Variants in HERC3 observed in about 807,000 individuals in gnomAD.
HERC3 encodes the protein HECT and RLD domain containing E3 ubiquitin protein ligase 3, also known as probable E3 ubiquitin-protein ligase HERC3.
In HERC3, 58 loss-of-function variants were observed where a neutral mutation model predicts 129.9. The observed-to-expected ratio is 0.45, with a 90% CI of 0.36 to 0.56. HERC3 has a LOEUF of 0.56. Ranked by LOEUF, HERC3 falls within the 20% of genes least tolerant of loss-of-function variation. The pLI, the probability that HERC3 is intolerant of heterozygous loss-of-function variation, is 0.00. For synonymous variants in HERC3, 430 were observed against 451.0 expected (o/e 0.95, Z 0.59); for missense variants, 835 against 1,244.2 (o/e 0.67, Z 4.95).
chr4:88,627,876 C>T (rs1210082724), intron 3 of HERC3, among the ~76,000 whole-genome samples: 2 of 137,232 alleles, frequency 1.5e-5, no homozygotes, highest in African/African-American at 5.5e-5. Context: ...TGCACTTCAG[C>T]TTGGGCAACA....
At position 88,654,078 on chromosome 4, in the gene HERC3, C is replaced by T. The variant is rs200080956; in HGVS notation, c.722C>T (p.Thr241Met). ...CCATGCCATGTAAAACTCTTACGCA[C>T]GCAAAAAGTTGTCTATATTAGTTGT... The part of the protein sequence containing the change: ...ESPCHVKLLR[T>M]QKVVYISCGE... Residue 241 changes from threonine to methionine, a missense_variant, in exon 7 of 26, where the codon ACG becomes ATG. Physicochemically the swap from Thr to Met is moderately conservative, Grantham distance 81. Transcript: ENST00000402738. 44 of 1,612,836 alleles carry T rather than the reference C, an allele frequency of 2.7e-5. No individual in the cohort carries two copies. Among genetic ancestry groups the T allele is most frequent in the African/African-American group, 8.0e-5 (6 of 74,912 alleles).
At position 88,707,916 on chromosome 4, in the gene HERC3, G is replaced by T. The variant is rs549871073; in HGVS notation, c.*956G>T. On this transcript the variant is annotated 3_prime_UTR_variant, in exon 26 of 26. Coordinates refer to ENST00000402738, the MANE Select transcript of HERC3 (RefSeq NM_014606.3). The stretch of plus-strand genomic sequence containing the variant: ...TTATTTTCTCCTTTTCGTACCCTGT[G>T]TCCTCCCTGATTTTCCTTTCGTTTC... The T allele has an allele frequency of 6.6e-6, 1 of 152,004 alleles. No individual in the cohort carries two copies. The highest frequency in any genetic ancestry group is 2.4e-5 in the African/African-American group (1 of 41,184). 9.4% of individuals were successfully genotyped at this position (152,004 alleles called of 1,614,324 possible). A position where few individuals can be genotyped will look rare whatever the true frequency, so the allele number is the denominator to read the frequency against.
chr4:88,653,357 G>A (rs1729502188), intron 6 of HERC3, among the ~76,000 whole-genome samples: 1 of 152,220 alleles, frequency 6.6e-6, no homozygotes, highest in South Asian at 2.1e-4. Context: ...AAATGTTTGA[G>A]CAGAACCTGT....
chr4:88,579,368 C>T, the HERC3 span, among the ~76,000 whole-genome samples: 6 of 151,978 alleles, frequency 3.9e-5, no homozygotes, highest in Non-Finnish European at 8.8e-5. Context: ...GATGGCGTCA[C>T]TGCAATCCAG....
At chr4:88,602,666 G>C (rs1723140517) in intron 2 of HERC3, among the ~76,000 whole-genome samples, 1 of 151,988 alleles carries the variant, frequency 6.6e-6, no homozygotes. Context: ...TTTTTGTGGA[G>C]ATAAGGTCTC....
chr4:88,532,777 G>T, the HERC3 span, among the ~76,000 whole-genome samples: 1 of 152,172 alleles, frequency 6.6e-6, no homozygotes, highest in Non-Finnish European at 1.5e-5. Context: ...TCCTCTGGAC[G>T]TAGAGTTGTA....
intron 21 of HERC3, among the ~76,000 whole-genome samples, chr4:88,683,153 C>T (rs909255031): frequency 2.0e-5 from 3 of 152,078 alleles, no homozygotes; most frequent in African/African-American, 4.8e-5. Context: ...ATCCTTTGCC[C>T]ACTTGTTGAT....
intron 19 of HERC3, among the ~76,000 whole-genome samples, chr4:88,679,665 C>T (rs554069664): frequency 9.2e-5 from 14 of 152,006 alleles, no homozygotes; most frequent in African/African-American, 3.4e-4. Flanking sequence ...TTACAGGTGC[C>T]CACCACCATG....
intron 21 of HERC3, among the ~76,000 whole-genome samples, chr4:88,683,504 C>A (rs1355344106): frequency 2.0e-5 from 3 of 152,150 alleles, no homozygotes; most frequent in African/African-American, 7.2e-5. Context: ...ATGTGTGTCC[C>A]TTACTTTGCT....
the HERC3 span, among the ~76,000 whole-genome samples, chr4:88,557,483 ATTTG>A: frequency 6.6e-6 from 1 of 152,154 alleles, no homozygotes; most frequent in Non-Finnish European, 1.5e-5. Context: ...TTTGGTGGAT[ATTTG>A]TTCTTTATAT....
At chr4:88,683,573 A>G (rs1004244894) in intron 21 of HERC3, among the ~76,000 whole-genome samples, 1 of 152,230 alleles carries the variant, frequency 6.6e-6, no homozygotes, top group Non-Finnish European at 1.5e-5. Flanking sequence ...CTGGTGGCAG[A>G]TTTAAATTCC....
At chr4:88,557,635 T>C in the HERC3 span, among the ~76,000 whole-genome samples, 6 of 152,284 alleles carry the variant, frequency 3.9e-5, no homozygotes, top group East Asian at 1.2e-3. Flanking sequence ...AAGAATAAAG[T>C]CCAGCTCTAG....
chr4:88,653,423 CAGAG>C (rs1729509947), intron 6 of HERC3, among the ~76,000 whole-genome samples: 1 of 152,146 alleles, frequency 6.6e-6, no homozygotes, highest in African/African-American at 2.4e-5. Flanking sequence ...ATGTTCCTGT[CAGAG>C]AGAACTGGGT....
At chr4:88,580,522 A>G in the HERC3 span, among the ~76,000 whole-genome samples, 5 of 152,168 alleles carry the variant, frequency 3.3e-5, no homozygotes, top group Admixed American at 3.3e-4. Flanking sequence ...CTCAATTTAA[A>G]AAAAGGAAAA....
chr4:88,524,450 C>T, the HERC3 span, among the ~76,000 whole-genome samples: 1 of 152,194 alleles, frequency 6.6e-6, no homozygotes, highest in Non-Finnish European at 1.5e-5. Flanking sequence ...GTGATCCATT[C>T]AGTGAATTTG....
intron 12 of HERC3, among the ~76,000 whole-genome samples, chr4:88,665,149 T>C (rs1278938558): frequency 1.3e-5 from 2 of 152,166 alleles, no homozygotes; most frequent in Non-Finnish European, 2.9e-5. Flanking sequence ...GAGAGATAAA[T>C]AGATAGATGG....
chr4:88,574,028 G>C, the HERC3 span, among the ~76,000 whole-genome samples: 1 of 152,166 alleles, frequency 6.6e-6, no homozygotes, highest in Admixed American at 6.5e-5. Flanking sequence ...TTCTGAGGCA[G>C]CCAGATCACA....
intron 3 of HERC3, among the ~76,000 whole-genome samples, chr4:88,614,971 G>T (rs182417262): frequency 4.2e-4 from 64 of 152,258 alleles, no homozygotes; most frequent in Non-Finnish European, 8.4e-4. Context: ...GAAGAGATAG[G>T]TCACCAACAG....
chr4:88,588,461 C>T (rs776080400), upstream of HERC3, among the ~76,000 whole-genome samples: 7 of 152,168 alleles, frequency 4.6e-5, no homozygotes, highest in East Asian at 1.9e-4. Flanking sequence ...TTCTTTTGGA[C>T]GTGGGGGACC....
Sources: allele counts gnomAD v4.1 joint callset (sites outside exome capture counted in the v4.1 genomes callset), GRCh38; gene constraint gnomAD v4.1.1; transcripts MANE v1.5; gene names NCBI Gene and HGNC (gene_info 2026-07-23, HGNC 2026-07-21).